FUT9: variants seen among roughly 807,000 people sequenced by gnomAD.
The protein encoded by FUT9 is 4-galactosyl-N-acetylglucosaminide 3-alpha-L-fucosyltransferase 9.
In FUT9, 15 loss-of-function variants were observed where a neutral mutation model predicts 29.7. The observed-to-expected ratio is 0.51, with a 90% confidence interval of 0.34 to 0.78. The LOEUF (loss-of-function observed/expected upper bound fraction) is 0.78, where lower values mean the gene tolerates loss of function less well. Ranked by LOEUF, FUT9 falls within the 30% of genes least tolerant of loss-of-function variation. The pLI is 0.01. For missense variants in FUT9, 319 were observed against 425.4 expected, an observed-to-expected ratio of 0.75 and a Z score of 2.20; for synonymous variants, 169 against 153.7, an observed-to-expected ratio of 1.10 and a Z score of -0.74.
rs1431565113 is a variant in FUT9, at chr6:96,212,660, T to C, written c.*8425T>C. 2.8e-5 allele frequency: 7 copies of C among 252,770 alleles called. No homozygotes were observed. The highest frequency in any genetic ancestry group is 4.0e-5 in the Non-Finnish European group (5 of 125,574). 15.7% of individuals were successfully genotyped at this position (252,770 alleles called of 1,614,324 possible). On this transcript the variant is annotated 3_prime_UTR_variant, in exon 3 of 3. Transcript: ENST00000302103. ...ATGAAGGTAGGAAGTAATGTGTGCT[T>C]GCAGAAATGCAACTGGTCAAAATTA...
At chr6:96,024,203 T>A (rs1054115000) in intron 1 of FUT9, among the ~76,000 whole-genome samples, 1 of 151,822 alleles carries the variant, frequency 6.6e-6, no homozygotes, top group East Asian at 1.9e-4. Flanking sequence ...CATCCCAATA[T>A]CCTAAAAGTC....
intron 2 of FUT9, among the ~76,000 whole-genome samples, chr6:96,142,712 G>T (rs4144273): frequency 0.9 from 137,594 of 152,038 alleles, 63,848 homozygotes; most frequent in Non-Finnish European, 1. Context: ...GAGAAATAGC[G>T]AATAGAAGGA....
intron 1 of FUT9, among the ~76,000 whole-genome samples, chr6:96,063,923 C>A (rs1770918413): frequency 6.6e-6 from 1 of 152,076 alleles, no homozygotes; most frequent in African/African-American, 2.4e-5. Flanking sequence ...GTAATTGTTT[C>A]TGTTATTTAA....
chr6:96,155,029 C>T (rs562430525), intron 2 of FUT9, among the ~76,000 whole-genome samples: 1 of 152,268 alleles, frequency 6.6e-6, no homozygotes, highest in South Asian at 2.1e-4. Flanking sequence ...TCAGGTGGCT[C>T]TCAAATCACA....
rs1304399003 is a variant in FUT9, at chr6:96,213,729, T to C, written c.*9494T>C. 6.0e-6 allele frequency: 1 copy of C among 166,900 alleles called. No homozygotes were observed. The highest frequency in any genetic ancestry group is 1.5e-5 in the Non-Finnish European group (1 of 68,026). The allele number at this position is 166,900 out of a possible 1,614,324, so 10.3% of individuals were successfully genotyped here. On this transcript the variant is annotated 3_prime_UTR_variant, in exon 3 of 3. Coordinates refer to ENST00000302103, the MANE Select transcript of FUT9 (RefSeq NM_006581.4). ...AAATCACATGTTGATCAGAAATCAT[T>C]TTTCTACTTATTTTTTTGTAGAGTA...
At chr6:96,024,603 T>C (rs924207417) in intron 1 of FUT9, among the ~76,000 whole-genome samples, 5 of 151,756 alleles carry the variant, frequency 3.3e-5, no homozygotes, top group Admixed American at 3.3e-4. Context: ...GACTCAGTCT[T>C]GGCTCACACA....
At chr6:96,083,924 T>A (rs985435658) in intron 1 of FUT9, among the ~76,000 whole-genome samples, 1 of 152,064 alleles carries the variant, frequency 6.6e-6, no homozygotes, top group African/African-American at 2.4e-5. Flanking sequence ...TTCTTGAGTG[T>A]CTTCCTTGTG....
rs57704869 is a variant in FUT9, at chr6:96,056,919, C to T, written c.-98+40707C>T. 4.6e-3 allele frequency among the ~76,000 whole-genome samples: 695 copies of T among 152,158 alleles called. 6 individuals are homozygous for T. The highest frequency in any genetic ancestry group is 0.016 in the African/African-American group (668 of 41,490). On this transcript the variant is annotated intron_variant, in intron 1 of 2. Transcript: ENST00000302103. ...AAAGGCACATGCATTCAGTAGAAAC[C>T]GTACTGCAAGTACCCACACAACAAT...
intron 1 of FUT9, among the ~76,000 whole-genome samples, chr6:96,066,111 A>G (rs374930735): frequency 1.2e-4 from 18 of 152,144 alleles, no homozygotes; most frequent in African/African-American, 4.1e-4. Context: ...GAGTTACACA[A>G]CCCTGATTTT....
intron 1 of FUT9, among the ~76,000 whole-genome samples, chr6:96,090,765 AC>A (rs1435980510): frequency 2.6e-5 from 4 of 151,962 alleles, no homozygotes; most frequent in African/African-American, 9.7e-5. Flanking sequence ...AGTCATACAC[AC>A]CCCAACAGAC....
intron 2 of FUT9, among the ~76,000 whole-genome samples, chr6:96,201,591 C>T (rs1562163021): frequency 6.6e-6 from 1 of 151,852 alleles, no homozygotes; most frequent in Admixed American, 6.6e-5. Context: ...AAATATACAA[C>T]AAAATTTGGC....
chr6:96,017,479 C>T (rs1260076410), intron 1 of FUT9, among the ~76,000 whole-genome samples: 3 of 152,058 alleles, frequency 2.0e-5, no homozygotes, highest in Admixed American at 6.6e-5. Context: ...GAGTGAACAT[C>T]GGGAGGGGTC....
rs754780213 is a variant in FUT9, at chr6:96,204,019, T to C, written c.864T>C (p.His288=). 1 of 1,606,718 alleles carries C rather than the reference T, an allele frequency of 6.2e-7. No homozygotes were observed. The highest frequency in any genetic ancestry group is 2.2e-5 in the East Asian group (1 of 44,808). The stretch of plus-strand genomic sequence containing the variant: ...ATATTCCAGCAGATTCATTCATTCA[T>C]GTGGAAGATTATAACTCTCCCAGTG... ...ENYIPADSFI[H]VEDYNSPSEL... Residue 288 remains histidine, a synonymous_variant, in exon 3 of 3, where the codon CAT becomes CAC. Transcript: ENST00000302103.
At chr6:96,108,658 T>C (rs1290308049) in intron 1 of FUT9, among the ~76,000 whole-genome samples, 5 of 152,194 alleles carry the variant, frequency 3.3e-5, no homozygotes, top group Non-Finnish European at 7.3e-5. Context: ...CAGAGGCCAA[T>C]ATGATATTAG....
At chr6:96,176,116 T>C (rs1041832933) in intron 2 of FUT9, among the ~76,000 whole-genome samples, 18 of 152,166 alleles carry the variant, frequency 1.2e-4, no homozygotes, top group Admixed American at 3.9e-4. Flanking sequence ...CTTCCCTCTC[T>C]ACCTTCAGCC....
At chr6:96,024,860 G>A (rs1770135859) in intron 1 of FUT9, among the ~76,000 whole-genome samples, 1 of 151,728 alleles carries the variant, frequency 6.6e-6, no homozygotes, top group Non-Finnish European at 1.5e-5. Flanking sequence ...CTCATCTGTG[G>A]TTTTCCACAG....
At chr6:96,165,468 A>C (rs1011902405) in intron 2 of FUT9, among the ~76,000 whole-genome samples, 2 of 151,476 alleles carry the variant, frequency 1.3e-5, no homozygotes, top group African/African-American at 2.4e-5. Flanking sequence ...AATAGTCTTC[A>C]GTTATAAAGA....
intron 2 of FUT9, among the ~76,000 whole-genome samples, chr6:96,168,003 C>G (rs1297748573): frequency 1.6e-4 from 24 of 152,274 alleles, no homozygotes; most frequent in Non-Finnish European, 2.9e-5. Flanking sequence ...ATTGGATACA[C>G]ACGCAAGAGA....
chr6:96,168,221 C>A (rs1214280606), intron 2 of FUT9, among the ~76,000 whole-genome samples: 1 of 151,948 alleles, frequency 6.6e-6, no homozygotes. Flanking sequence ...GTGGGAAGTC[C>A]AAATGGAAGG....
Sources: gnomAD v4.1 joint callset for allele counts (sites outside exome capture counted in the v4.1 genomes callset) on GRCh38, gnomAD v4.1.1 for gene constraint, MANE v1.5 for transcripts, NCBI Gene and HGNC (gene_info 2026-07-23, HGNC 2026-07-21) for gene names.